Variants in CTNNBL1 observed in about 807,000 individuals in gnomAD.
CTNNBL1 encodes the protein catenin beta like 1, also known as beta-catenin-like protein 1.
In CTNNBL1, 31 loss-of-function variants were observed where a neutral mutation model predicts 72.7. The ratio of observed to expected loss-of-function variants is 0.43; its 90% CI spans 0.32 to 0.58. The LOEUF is 0.58. Ranked by LOEUF, CTNNBL1 falls within the 20% of genes least tolerant of loss-of-function variation. The pLI is 0.08. For synonymous variants in CTNNBL1, 240 were observed against 267.3 expected (o/e 0.90, Z 1.00); for missense variants, 534 against 725.1 (o/e 0.74, Z 3.03).
At chr20:37,761,481 C>T (rs540426835) in intron 5 of CTNNBL1, among the ~76,000 whole-genome samples, 3 of 152,326 alleles carry the variant, frequency 2.0e-5, no homozygotes, top group African/African-American at 7.2e-5. Context: ...TATGAAAATT[C>T]CTGGATTCTA....
Position 37,746,428 on chromosome 20 carries a change from T to C in CTNNBL1, c.327-40T>C, listed in dbSNP as rs1412857193. On this transcript the variant is annotated intron_variant, in intron 3 of 15. Transcript: ENST00000361383. ...GCTGTTTGCTCCTCATTGCTGATAG[T>C]GCCCCTTTCCTTCTAATGATGTCTT... 4.4e-6 allele frequency: 7 copies of C among 1,598,548 alleles called. No individual in the cohort carries two copies. The African/African-American group carries it at 6.7e-5, about 15-fold the overall frequency.
intron 13 of CTNNBL1, among the ~76,000 whole-genome samples, chr20:37,843,640 T>G (rs962721360): frequency 1.3e-5 from 2 of 152,246 alleles, no homozygotes; most frequent in Non-Finnish European, 2.9e-5. Context: ...CACTGCGCTT[T>G]TAATTCATTC....
At chr20:37,860,687 G>T (rs975790698) in intron 15 of CTNNBL1, among the ~76,000 whole-genome samples, 4 of 152,184 alleles carry the variant, frequency 2.6e-5, no homozygotes, top group African/African-American at 9.6e-5. Flanking sequence ...AAAAAAGCAA[G>T]GAAATGACAA....
Position 37,718,633 on chromosome 20 carries a change from G to A in CTNNBL1, c.31-14246G>A, listed in dbSNP as rs1030598450. Among the ~76,000 whole-genome samples, 16 of 152,186 alleles carry A rather than the reference G, an allele frequency of 1.1e-4. No individual in the cohort carries two copies. The South Asian group carries it at 2.1e-3, about 20-fold the overall frequency. On this transcript the variant is annotated intron_variant, in intron 1 of 15. Transcript: ENST00000361383. Reference sequence around the variant, plus strand: ...TCCCGGACGGGGCGGCTGGCCAGGCGGGGGGCTGACCACCCCACCTCATGA... The same window carrying A: ...TCCCGGACGGGGCGGCTGGCCAGGCAGGGGGCTGACCACCCCACCTCATGA...
intron 15 of CTNNBL1, among the ~76,000 whole-genome samples, chr20:37,871,526 C>T (rs1197566488): frequency 6.6e-6 from 1 of 152,026 alleles, no homozygotes; most frequent in Non-Finnish European, 1.5e-5. Flanking sequence ...TAGATTAGAC[C>T]TAATCTAGAC....
chr20:37,834,912 A>G (rs1218961973), intron 11 of CTNNBL1, among the ~76,000 whole-genome samples: 1 of 152,230 alleles, frequency 6.6e-6, no homozygotes, highest in African/African-American at 2.4e-5. Flanking sequence ...CTTACGTTCA[A>G]ATAGGAATTA....
chr20:37,795,782 C>T (rs1345935815), intron 10 of CTNNBL1, among the ~76,000 whole-genome samples: 1 of 151,710 alleles, frequency 6.6e-6, no homozygotes, highest in Non-Finnish European at 1.5e-5. Context: ...ATTCTGTCAC[C>T]TGTGTTATTT....
At chr20:37,815,266 T>G (rs2072045946) in intron 11 of CTNNBL1, among the ~76,000 whole-genome samples, 1 of 151,838 alleles carries the variant, frequency 6.6e-6, no homozygotes, top group Non-Finnish European at 1.5e-5. Context: ...GTGGAGGTAA[T>G]AGCAGTTTGG....
At chr20:37,832,703 T>C (rs1463657292) in intron 11 of CTNNBL1, among the ~76,000 whole-genome samples, 1 of 152,134 alleles carries the variant, frequency 6.6e-6, no homozygotes, top group African/African-American at 2.4e-5. Flanking sequence ...ATAGGCCTAC[T>C]CATAAGCAGG....
At chr20:37,781,634 T>C (rs1273291346) in intron 10 of CTNNBL1, among the ~76,000 whole-genome samples, 3 of 152,198 alleles carry the variant, frequency 2.0e-5, no homozygotes, top group Non-Finnish European at 4.4e-5. Context: ...GTTATTTTTC[T>C]TCAGACTCCC....
chr20:37,702,202 T>G (rs1204686767), intron 1 of CTNNBL1, among the ~76,000 whole-genome samples: 2 of 152,218 alleles, frequency 1.3e-5, no homozygotes, highest in African/African-American at 2.4e-5. Flanking sequence ...ACAATCTTGA[T>G]AGTACTAGTT....
At chr20:37,739,519 A>G (rs953489917) in intron 3 of CTNNBL1, among the ~76,000 whole-genome samples, 3 of 152,282 alleles carry the variant, frequency 2.0e-5, no homozygotes, top group South Asian at 4.1e-4. Flanking sequence ...GTGTGCATAT[A>G]TTTCCATAGG....
At chr20:37,737,348 G>A in intron 2 of CTNNBL1, 30 bp from the exon 3 acceptor site, 1 of 1,515,494 alleles carries the variant, frequency 6.6e-7, no homozygotes, top group Non-Finnish European at 9.2e-7. Flanking sequence ...CCTGTGGACT[G>A]AAGTTTTTGC....
intron 13 of CTNNBL1, among the ~76,000 whole-genome samples, chr20:37,854,111 C>T (rs543049255): frequency 5.3e-5 from 8 of 152,158 alleles, no homozygotes; most frequent in Non-Finnish European, 1.2e-4. Context: ...AGTAGAATGT[C>T]GCATTGAACA....
intron 3 of CTNNBL1, among the ~76,000 whole-genome samples, chr20:37,742,117 A>T (rs1412293097): frequency 6.6e-6 from 1 of 152,232 alleles, no homozygotes; most frequent in Non-Finnish European, 1.5e-5. Context: ...GCATTTCAAC[A>T]AATTCTTATA....
intron 1 of CTNNBL1, among the ~76,000 whole-genome samples, chr20:37,721,172 T>C (rs2073037443): frequency 6.6e-6 from 1 of 152,202 alleles, no homozygotes; most frequent in Non-Finnish European, 1.5e-5. Context: ...CCATTATTGA[T>C]TTTTCCTATA....
intron 4 of CTNNBL1, 144 bp downstream of exon 4, chr20:37,746,751 C>A: frequency 9.0e-7 from 1 of 1,112,846 alleles, no homozygotes; most frequent in Non-Finnish European, 1.4e-6. Context: ...TTGAAACACA[C>A]AATGCTTTTT....
intron 13 of CTNNBL1, among the ~76,000 whole-genome samples, chr20:37,855,096 T>C (rs2072427851): frequency 9.3e-6 from 1 of 107,132 alleles, no homozygotes; most frequent in African/African-American, 3.7e-5. Context: ...AAAGCTGTGA[T>C]CTAATAAGCC....
Position 37,800,822 on chromosome 20 carries a change from G to A in CTNNBL1, c.1032-2045G>A, listed in dbSNP as rs6013099. 3.1e-3 allele frequency among the ~76,000 whole-genome samples: 465 copies of A among 152,246 alleles called. 5 individuals carry two copies. The highest frequency in any genetic ancestry group is 1.0e-2 in the African/African-American group (415 of 41,528). On this transcript the variant is annotated intron_variant, in intron 10 of 15. Transcript: ENST00000361383. ...AGCTAGGAACACTCTGCTCCTTGGC[G>A]TACCTCAAACACACCAGTCGCCTGT...
Sources: allele counts gnomAD v4.1 joint callset (sites outside exome capture counted in the v4.1 genomes callset), GRCh38; gene constraint gnomAD v4.1.1; transcripts MANE v1.5; gene names NCBI Gene and HGNC (gene_info 2026-07-23, HGNC 2026-07-21).